EPB41L4A: variants seen among roughly 807,000 people sequenced by gnomAD.
The protein encoded by EPB41L4A is erythrocyte membrane protein band 4.1 like 4A, also known as band 4.1-like protein 4A.
Under a neutral mutation model 108.6 loss-of-function variants are expected in EPB41L4A, and 100 were observed. That is an observed-to-expected ratio of 0.92 (90% CI 0.78 to 1.09). The LOEUF (loss-of-function observed/expected upper bound fraction) is 1.09, where lower values mean the gene tolerates loss of function less well. EPB41L4A is among the 50% of genes least tolerant of loss of function. The pLI is 0.00. For missense variants in EPB41L4A, 1,030 were observed against 842.7 expected (o/e 1.22, Z -2.75); for synonymous variants, 319 against 289.0 (o/e 1.10, Z -1.05).
chr5:112,379,127 CT>C, intron 1 of EPB41L4A, among the ~76,000 whole-genome samples: 1 of 152,158 alleles, frequency 6.6e-6, no homozygotes, highest in Non-Finnish European at 1.5e-5. Flanking sequence ...GGCGAGCACC[CT>C]GGGGGGGTCA....
intron 1 of EPB41L4A, among the ~76,000 whole-genome samples, chr5:112,355,790 A>G (rs1339377552): frequency 6.6e-6 from 1 of 152,068 alleles, no homozygotes; most frequent in Non-Finnish European, 1.5e-5. Context: ...TAACAAATAC[A>G]CATTCTATTT....
At chr5:112,360,968 G>C (rs963999295) in intron 1 of EPB41L4A, among the ~76,000 whole-genome samples, 1 of 152,218 alleles carries the variant, frequency 6.6e-6, no homozygotes, top group East Asian at 1.9e-4. Context: ...CGGCCGCCCC[G>C]TCTGAGAAGT....
At chr5:112,200,805 A>C (rs984479073) in intron 15 of EPB41L4A, among the ~76,000 whole-genome samples, 1 of 152,220 alleles carries the variant, frequency 6.6e-6, no homozygotes, top group South Asian at 2.1e-4. Context: ...CCAACATTTC[A>C]CCAGATCTCA....
chr5:112,389,793 T>C (rs368735585), intron 1 of EPB41L4A, among the ~76,000 whole-genome samples: 21 of 152,176 alleles, frequency 1.4e-4, no homozygotes, highest in African/African-American at 4.6e-4. Context: ...TATAATTTCA[T>C]CTTTTGACAA....
intron 1 of EPB41L4A, among the ~76,000 whole-genome samples, chr5:112,358,128 G>A (rs1411189986): frequency 1.3e-5 from 2 of 152,232 alleles, no homozygotes; most frequent in African/African-American, 4.8e-5. Context: ...CTCAGTCCAA[G>A]ATGGCAACAT....
chr5:112,382,960 G>A (rs1487956504), intron 1 of EPB41L4A, among the ~76,000 whole-genome samples: 2 of 152,108 alleles, frequency 1.3e-5, no homozygotes, highest in Admixed American at 6.5e-5. Context: ...AAAATGCTTC[G>A]GAGCAAACAA....
chr5:112,401,657 T>C (rs2416285), intron 1 of EPB41L4A, among the ~76,000 whole-genome samples: 14,451 of 152,224 alleles, frequency 0.095, 2,257 homozygotes, highest in African/African-American at 0.32. Flanking sequence ...CTTTATTGAC[T>C]CTCACCCTTT....
chr5:112,162,068 C>G (rs955062576), downstream of EPB41L4A: 1 of 152,156 alleles, frequency 6.6e-6, no homozygotes, highest in Non-Finnish European at 1.5e-5. Context: ...CTTGTGAAAT[C>G]GCAGGCATAT....
At chr5:112,395,267 C>T (rs1425315377) in intron 1 of EPB41L4A, among the ~76,000 whole-genome samples, 5 of 152,160 alleles carry the variant, frequency 3.3e-5, no homozygotes, top group African/African-American at 1.2e-4. Flanking sequence ...AACTAAAGAG[C>T]TTCTGCACAG....
intron 1 of EPB41L4A, among the ~76,000 whole-genome samples, chr5:112,358,704 G>GTA (rs1404540780): frequency 6.6e-6 from 1 of 152,074 alleles, no homozygotes; most frequent in African/African-American, 2.4e-5. Context: ...CCACTTCTAG[G>GTA]TATACACACA....
intron 1 of EPB41L4A, among the ~76,000 whole-genome samples, chr5:112,353,736 G>C (rs61471554): frequency 0.015 from 2,303 of 152,272 alleles, 70 homozygotes; most frequent in African/African-American, 0.052. Context: ...GGTGGGTGGA[G>C]TGGGGAATCC....
chr5:112,262,211 T>C (rs886182712), intron 7 of EPB41L4A, among the ~76,000 whole-genome samples: 1 of 152,284 alleles, frequency 6.6e-6, no homozygotes, highest in South Asian at 2.1e-4. Context: ...ATCAATTTTA[T>C]ATTGTTTTGA....
rs1328890106 is a variant in EPB41L4A, at chr5:112,164,605, A to C, written c.*385T>G. 6.5e-6 allele frequency: 1 copy of C among 154,460 alleles called. No homozygotes were observed. Among genetic ancestry groups the C allele is most frequent in the Non-Finnish European group, 1.4e-5 (1 of 69,746 alleles). The allele number at this position is 154,460 out of a possible 1,614,324, so 9.6% of individuals were successfully genotyped here. A position where few individuals can be genotyped will look rare whatever the true frequency, so the allele number is the denominator to read the frequency against. On this transcript the variant is annotated 3_prime_UTR_variant, in exon 23 of 23. Transcript: ENST00000261486. ...TCCCAGCACTTTGGGAGGCTGAGGC[A>C]GGCGGATCACTTGAGGTCAGGAGTT...
At chr5:112,417,642 C>G (rs1260183648) in intron 1 of EPB41L4A, among the ~76,000 whole-genome samples, 1 of 152,108 alleles carries the variant, frequency 6.6e-6, no homozygotes, top group African/African-American at 2.4e-5. Context: ...TGTACACCCT[C>G]CCCGAAAAGA....
At chr5:112,401,752 G>C (rs1161906448) in intron 1 of EPB41L4A, among the ~76,000 whole-genome samples, 1 of 152,096 alleles carries the variant, frequency 6.6e-6, no homozygotes. Flanking sequence ...CTCTTCCATG[G>C]AGACGAGATT....
chr5:112,392,033 T>C (rs993581831), intron 1 of EPB41L4A, among the ~76,000 whole-genome samples: 5 of 152,122 alleles, frequency 3.3e-5, no homozygotes, highest in African/African-American at 7.2e-5. Flanking sequence ...CTGAGAGATT[T>C]TGTCAGCACC....
At chr5:112,327,304 T>A (rs1190513079) in intron 1 of EPB41L4A, among the ~76,000 whole-genome samples, 1 of 152,224 alleles carries the variant, frequency 6.6e-6, no homozygotes, top group Non-Finnish European at 1.5e-5. Context: ...AAGCTCCTCG[T>A]GTTTAAATTA....
upstream of EPB41L4A, chr5:112,419,344 CG>C: frequency 6.0e-6 from 2 of 330,766 alleles, no homozygotes; most frequent in East Asian, 8.7e-5. Context: ...GGCGGGGGCG[CG>C]GGGCCCCTCC....
chr5:112,288,055 T>A (rs1377151258), intron 2 of EPB41L4A, among the ~76,000 whole-genome samples: 1 of 152,246 alleles, frequency 6.6e-6, no homozygotes, highest in Non-Finnish European at 1.5e-5. Context: ...AAATGGCTTC[T>A]GGGCAAAGAA....
Sources: gnomAD v4.1 joint callset for allele counts (sites outside exome capture counted in the v4.1 genomes callset) on GRCh38, gnomAD v4.1.1 for gene constraint, MANE v1.5 for transcripts, NCBI Gene and HGNC (gene_info 2026-07-23, HGNC 2026-07-21) for gene names.